The following SLC12A4 variants were observed in gnomAD, a reference collection of about 807,000 sequenced individuals.
SLC12A4 encodes the protein solute carrier family 12 member 4.
In SLC12A4, 84 loss-of-function variants were observed where a neutral mutation model predicts 119.2. That is an observed-to-expected ratio of 0.70 (90% CI 0.59 to 0.85). The LOEUF is 0.85. SLC12A4 is among the 40% of genes least tolerant of loss of function. SLC12A4 has a pLI of 0.00. For synonymous variants in SLC12A4, 599 were observed against 604.6 expected, an observed-to-expected ratio of 0.99 and a Z score of 0.14; for missense variants, 1,298 against 1,476.3, an observed-to-expected ratio of 0.88 and a Z score of 1.98.
Position 67,943,563 on chromosome 16 carries a change from T to TAATAG in SLC12A4, c.*1276_*1277insCTATT, listed in dbSNP as rs2058306773. ...GGCTGGGCCTAATAGGGGCCGGGCA[T>TAATAG]GGATGGGCCTCTCCTGCTCACCGAT... On this transcript the variant is annotated 3_prime_UTR_variant, in exon 24 of 24. Coordinates refer to ENST00000316341, the MANE Select transcript of SLC12A4 (RefSeq NM_005072.5). The surrounding 1 kb of genome is among the most constrained non-coding windows in gnomAD (Gnocchi z 4.6). 1 of 497,394 alleles carries TAATAG rather than the reference T, an allele frequency of 2.0e-6. No individual in the cohort carries two copies. Among genetic ancestry groups the TAATAG allele is most frequent in the East Asian group, 3.8e-5 (1 of 26,638 alleles). The allele number at this position is 497,394 out of a possible 1,614,324, so 30.8% of individuals were successfully genotyped here.
At chr16:67,959,777 T>C (rs577780810) in intron 3 of SLC12A4, among the ~76,000 whole-genome samples, 180 of 152,298 alleles carry the variant, frequency 1.2e-3, no homozygotes, top group Non-Finnish European at 2.3e-3. Context: ...AAATAACCTC[T>C]GGCAGCCTCA....
At position 67,950,246 on chromosome 16, in the gene SLC12A4, T is replaced by G. The variant is rs2058398351; in HGVS notation, c.1629+73A>C. The G allele has an allele frequency of 1.2e-5, 19 of 1,539,354 alleles. No individual in the cohort carries two copies. ...AAGGGCAGGACGTGCTGCATCTGTG[T>G]TCCCTATCTCTCTCCCCAGCCGGGC... On this transcript the variant is annotated intron_variant, in intron 12 of 23. Transcript: ENST00000316341. This position sits in a 1 kb window ranked among gnomAD's most constrained non-coding sequence, Gnocchi z 4.3.
Position 67,949,216 on chromosome 16 carries a change from G to A in SLC12A4, c.1748+584C>T, listed in dbSNP as rs1051907333. On this transcript the variant is annotated intron_variant, in intron 13 of 23. Coordinates refer to ENST00000316341, the MANE Select transcript of SLC12A4 (RefSeq NM_005072.5). This position sits in a 1 kb window ranked among gnomAD's most constrained non-coding sequence, Gnocchi z 4.6. ...TGTAATCCCAGCACTTTGGGAGGCC[G>A]AGCCAGGTGGATCATCTGACGTCAG... 2.0e-5 allele frequency among the ~76,000 whole-genome samples: 3 copies of A among 152,192 alleles called. No homozygotes were observed. Among genetic ancestry groups the A allele is most frequent in the East Asian group, 1.9e-4 (1 of 5,188 alleles).
chr16:67,968,485 G>A lies in SLC12A4; in HGVS notation c.69C>T (p.Leu23=). The part of the protein sequence containing the change: ...RRGDYDNLEG[L]SWVDYGERAE... Reference sequence around the variant, plus strand: ...CGCGCTCCCCGTAGTCCACCCAACTGAGCCCCTCGAGGTTGTCATAGTCGC... The same window carrying A: ...CGCGCTCCCCGTAGTCCACCCAACTAAGCCCCTCGAGGTTGTCATAGTCGC... The change falls in exon 1 of 24, where the codon CTC becomes CTT. Residue 23 remains leucine (L), a synonymous_variant. Coordinates refer to ENST00000316341, the MANE Select transcript of SLC12A4 (RefSeq NM_005072.5). 6.3e-7 allele frequency: 1 copy of A among 1,587,830 alleles called. No individual in the cohort carries two copies. Among genetic ancestry groups the A allele is most frequent in the Non-Finnish European group, 8.5e-7 (1 of 1,171,144 alleles).
chr16:67,960,593 C>T (rs907431111), intron 3 of SLC12A4, among the ~76,000 whole-genome samples: 6 of 151,056 alleles, frequency 4.0e-5, no homozygotes, highest in East Asian at 2.0e-4. Flanking sequence ...CTGCTTGTGC[C>T]GACCTCTGAG....
At chr16:67,954,619 T>C in intron 6 of SLC12A4, 24 bp downstream of exon 6, 1 of 1,613,908 alleles carries the variant, frequency 6.2e-7, no homozygotes, top group South Asian at 1.1e-5. Context: ...TGGCCAGAGT[T>C]GGCCAGGGCT....
intron 3 of SLC12A4, among the ~76,000 whole-genome samples, chr16:67,959,863 C>T (rs149480690): frequency 1.3e-5 from 2 of 152,312 alleles, no homozygotes; most frequent in East Asian, 1.9e-4. Flanking sequence ...ATGGTCTGGT[C>T]GGAGGCCCAC....
In SLC12A4 at chr16:67,950,925, C is replaced by T; in HGVS notation, c.1396+37G>A. 1 of 1,603,412 alleles carries T rather than the reference C, an allele frequency of 6.2e-7. No individual in the cohort carries two copies. The highest frequency in any genetic ancestry group is 8.5e-7 in the Non-Finnish European group (1 of 1,171,420). On this transcript the variant is annotated intron_variant, in intron 10 of 23. Coordinates refer to ENST00000316341, the MANE Select transcript of SLC12A4 (RefSeq NM_005072.5). The surrounding 1 kb of genome is among the most constrained non-coding windows in gnomAD (Gnocchi z 4.3). ...CGTACACAGGCCAAGCGCTTCCCGTCCTCTGCCCCACCTGCCCCAGGCCTG... is the reference window on the plus strand; with the variant it reads ...CGTACACAGGCCAAGCGCTTCCCGTTCTCTGCCCCACCTGCCCCAGGCCTG...
rs779275256 is a variant in SLC12A4 at position 67,946,252 on chromosome 16, C to T, written c.2526G>A (p.Leu842=). Residue 842 remains leucine (L), a synonymous_variant, in exon 19 of 24, where the codon CTG becomes CTA. Coordinates refer to ENST00000316341, the MANE Select transcript of SLC12A4 (RefSeq NM_005072.5). The stretch of plus-strand genomic sequence containing the variant: ...TCCACCACACGTCTATGTGGCCCTC[C>T]AGGTAGCGCTCGTGGTTGCTGGGGT... ...AFYPSNHERY[L]EGHIDVWWIV... The T allele has an allele frequency of 1.9e-6, 3 of 1,613,708 alleles. No individual in the cohort carries two copies. Among genetic ancestry groups the T allele is most frequent in the African/African-American group, 1.3e-5 (1 of 74,936 alleles).
chr16:67,961,773 G>A, intron 2 of SLC12A4, 67 bp from the exon 3 acceptor site: 19 of 1,594,948 alleles, frequency 1.2e-5, no homozygotes, highest in Non-Finnish European at 1.5e-5. Context: ...GGAGCCAGCT[G>A]CCTGGTCCCT....
At position 67,944,185 on chromosome 16, in the gene SLC12A4, T is replaced by C; in HGVS notation, c.*655A>G. On this transcript the variant is annotated 3_prime_UTR_variant, in exon 24 of 24. Coordinates refer to ENST00000316341, the MANE Select transcript of SLC12A4 (RefSeq NM_005072.5). This position sits in a 1 kb window ranked among gnomAD's most constrained non-coding sequence, Gnocchi z 6.6. The stretch of plus-strand genomic sequence containing the variant: ...GGAGTGGGAGGGGCCCTAGGGCCAG[T>C]GGGAGGGACGGCCTGGCCAGTGGGG... 1.3e-6 allele frequency: 2 copies of C among 1,497,726 alleles called. No individual in the cohort carries two copies. Among genetic ancestry groups the C allele is most frequent in the Non-Finnish European group, 1.8e-6 (2 of 1,114,730 alleles). 92.8% of individuals were successfully genotyped at this position (1,497,726 alleles called of 1,614,324 possible). A position where few individuals can be genotyped will look rare whatever the true frequency, so the allele number is the denominator to read the frequency against.
In SLC12A4 at chr16:67,947,677, C is replaced by T; in HGVS notation, c.1959G>A (p.Glu653=). Residue 653 remains glutamate, a synonymous_variant, in exon 15 of 24, where the codon GAG becomes GAA. Coordinates refer to ENST00000316341, the MANE Select transcript of SLC12A4 (RefSeq NM_005072.5). ...TGGCAGTGCTCACTCACCCTTGGTACTCGATGTATTTGTAGATCATGCCGG... is the reference window on the plus strand; with the variant it reads ...TGGCAGTGCTCACTCACCCTTGGTATTCGATGTATTTGTAGATCATGCCGG... ...LIAGMIYKYI[E]YQGAEKEWGD... is the part of the protein sequence containing the mutation. The T allele has an allele frequency of 1.9e-6, 3 of 1,598,184 alleles. No homozygotes were observed. The highest frequency in any genetic ancestry group is 2.6e-6 in the Non-Finnish European group (3 of 1,172,816).
chr16:67,950,203 CT>C lies in SLC12A4; in HGVS notation c.1629+115del, dbSNP rs1224370827. On this transcript the variant is annotated intron_variant, in intron 12 of 23. Coordinates refer to ENST00000316341, the MANE Select transcript of SLC12A4 (RefSeq NM_005072.5). This position sits in a 1 kb window ranked among gnomAD's most constrained non-coding sequence, Gnocchi z 4.3. ...TCAGTAGCTCCTCATGGATGGCCGC[CT>C]GGCCCCGGGGGCCAATAAGGGCAGG... is the stretch of plus-strand genomic sequence containing the variant. 7.8e-7 allele frequency: 1 copy of C among 1,281,322 alleles called. No individual in the cohort carries two copies. Among genetic ancestry groups the C allele is most frequent in the African/African-American group, 1.5e-5 (1 of 67,360 alleles). The allele number at this position is 1,281,322 out of a possible 1,614,324, so 79.4% of individuals were successfully genotyped here.
intron 1 of SLC12A4, among the ~76,000 whole-genome samples, chr16:67,967,245 C>G (rs973665735): frequency 1.3e-5 from 2 of 152,198 alleles, no homozygotes; most frequent in Non-Finnish European, 2.9e-5. Context: ...GGGCATGGAT[C>G]ATCTCAGTCG....
chr16:67,950,892 C>T lies in SLC12A4; in HGVS notation c.1396+70G>A, dbSNP rs1436846740. ...GTGTGTGGGGTGTCTGTGCATGTGA[C>T]CTGGCAACGTACACAGGCCAAGCGC... is the stretch of plus-strand genomic sequence containing the variant. On this transcript the variant is annotated intron_variant, in intron 10 of 23. Transcript: ENST00000316341. The surrounding 1 kb of genome is among the most constrained non-coding windows in gnomAD (Gnocchi z 4.3). The T allele has an allele frequency of 1.3e-6, 2 of 1,535,352 alleles. No individual in the cohort carries two copies. Among genetic ancestry groups the T allele is most frequent in the Non-Finnish European group, 1.8e-6 (2 of 1,113,186 alleles).
Position 67,946,228 on chromosome 16 carries a change from C to T in SLC12A4, c.2550G>A (p.Trp850Ter), listed in dbSNP as rs755717877. The change falls in exon 19 of 24, where the codon TGG becomes TGA. Residue 850 changes from tryptophan to a stop codon, truncating the protein, a stop_gained. Transcript: ENST00000316341. LOFTEE classifies it high-confidence loss of function. ...TGAGCATGCCACCATCGTGCACGAT[C>T]CACCACACGTCTATGTGGCCCTCCA... ...RYLEGHIDVWWIVHDGGMLML... is the reference protein window; with the variant it reads ...RYLEGHIDVW 1.9e-6 allele frequency: 3 copies of T among 1,613,944 alleles called. No individual in the cohort carries two copies. Among genetic ancestry groups the T allele is most frequent in the South Asian group, 2.2e-5 (2 of 91,088 alleles).
intron 3 of SLC12A4, 118 bp downstream of exon 3, chr16:67,961,457 A>C (rs1598229185): frequency 7.0e-7 from 1 of 1,435,194 alleles, no homozygotes. Flanking sequence ...CTCCCTGCTC[A>C]CTATGCTTGG....
Position 67,946,454 on chromosome 16 carries a change from G to T in SLC12A4, c.2421C>A (p.Ala807=). Residue 807 remains alanine (A), a synonymous_variant, in exon 18 of 24, where the codon GCC becomes GCA. Coordinates refer to ENST00000316341, the MANE Select transcript of SLC12A4 (RefSeq NM_005072.5). The stretch of plus-strand genomic sequence containing the variant: ...TTCACACACCAATGAAGGTCTTCCA[G>T]GCACGGGGGTCCTCGCTCTGTCGCC... The part of the protein sequence containing the change: ...YGWRQSEDPR[A]WKTFIDTVRC... 6.2e-7 allele frequency: 1 copy of T among 1,605,968 alleles called. No individual in the cohort carries two copies. The highest frequency in any genetic ancestry group is 8.5e-7 in the Non-Finnish European group (1 of 1,179,884).
In SLC12A4 at chr16:67,950,839, T is replaced by C. The variant is rs2058406415; in HGVS notation, c.1396+123A>G. ...GAGTCTCGTGGTGTGTATGTGCATG[T>C]GTGCATGAGAAGGGGAGCTATATAT... On this transcript the variant is annotated intron_variant, in intron 10 of 23. Coordinates refer to ENST00000316341, the MANE Select transcript of SLC12A4 (RefSeq NM_005072.5). This position sits in a 1 kb window ranked among gnomAD's most constrained non-coding sequence, Gnocchi z 4.3. The C allele has an allele frequency of 7.0e-7, 1 of 1,432,858 alleles. No individual in the cohort carries two copies. Among genetic ancestry groups the C allele is most frequent in the Non-Finnish European group, 9.7e-7 (1 of 1,033,410 alleles). 88.8% of individuals were successfully genotyped at this position (1,432,858 alleles called of 1,614,324 possible).
Sources: gnomAD v4.1 joint callset for allele counts (sites outside exome capture counted in the v4.1 genomes callset) on GRCh38, gnomAD v4.1.1 for gene constraint, Gnocchi (gnomAD v3.1) non-coding constraint, MANE v1.5 for transcripts, NCBI Gene and HGNC (gene_info 2026-07-23, HGNC 2026-07-21) for gene names.